MKLN1: variants seen among roughly 807,000 people sequenced by gnomAD.
MKLN1 encodes muskelin 1, also known as muskelin.
In MKLN1, 18 loss-of-function variants were observed where a neutral mutation model predicts 99.0. The ratio of observed to expected loss-of-function variants is 0.18; its 90% CI spans 0.13 to 0.27. MKLN1 has a LOEUF of 0.27. Among genes scored for constraint, MKLN1 ranks in the 10% least tolerant of loss-of-function variants. The pLI, the probability that MKLN1 is intolerant of heterozygous loss-of-function variation, is 1.00. For missense variants in MKLN1, 621 were observed against 875.9 expected, an observed-to-expected ratio of 0.71 and a Z score of 3.67; for synonymous variants, 288 against 293.2, an observed-to-expected ratio of 0.98 and a Z score of 0.18.
chr7:131,294,427 T>TC (rs34542383), intron 3 of MKLN1, among the ~76,000 whole-genome samples: 67,256 of 152,032 alleles, frequency 0.44, 16,366 homozygotes, highest in Admixed American at 0.59. Flanking sequence ...ATAGGCACAT[T>TC]CCTTGTACTA....
At chr7:131,434,476 C>G (rs1584738920) in intron 9 of MKLN1, among the ~76,000 whole-genome samples, 1 of 152,126 alleles carries the variant, frequency 6.6e-6, no homozygotes, top group Admixed American at 6.5e-5. Context: ...CTAATAGCTT[C>G]TTTTTTATTT....
intron 2 of MKLN1, among the ~76,000 whole-genome samples, chr7:131,169,542 C>T (rs1796186958): frequency 6.6e-6 from 1 of 152,158 alleles, no homozygotes; most frequent in African/African-American, 2.4e-5. Context: ...TTAATGGCCT[C>T]TTTTGAAGGA....
At chr7:131,266,958 G>T (rs899681844) in intron 3 of MKLN1, among the ~76,000 whole-genome samples, 3 of 151,876 alleles carry the variant, frequency 2.0e-5, no homozygotes, top group African/African-American at 7.3e-5. Context: ...TGAGGCAATA[G>T]AATTTTTTTT....
Position 131,290,121 on chromosome 7 carries a change from C to T in MKLN1, c.-178-85303C>T, listed in dbSNP as rs530710505. On this transcript the variant is annotated intron_variant, in intron 3 of 7. Transcript: ENST00000416992. ...AGGAGTTCAAGACCAGCCTGACCAA[C>T]ATGGTGAAACCTCATCTCTACTAAA... 2.6e-3 allele frequency among the ~76,000 whole-genome samples: 394 copies of T among 152,314 alleles called. 3 individuals are homozygous for T. The highest frequency in any genetic ancestry group is 9.0e-3 in the African/African-American group (376 of 41,562).
chr7:131,430,129 A>G (rs1316791862), intron 9 of MKLN1, among the ~76,000 whole-genome samples: 3 of 152,194 alleles, frequency 2.0e-5, no homozygotes, highest in Non-Finnish European at 2.9e-5. Context: ...ATGAGCTATA[A>G]CAAAACAGTA....
intron 12 of MKLN1, among the ~76,000 whole-genome samples, chr7:131,454,916 A>G (rs1796290232): frequency 6.6e-6 from 1 of 152,248 alleles, no homozygotes; most frequent in South Asian, 2.1e-4. Context: ...AAGTTAACCT[A>G]GCACCATGAT....
At chr7:131,371,032 C>A (rs1055569761) in intron 1 of MKLN1, among the ~76,000 whole-genome samples, 1 of 152,112 alleles carries the variant, frequency 6.6e-6, no homozygotes, top group Non-Finnish European at 1.5e-5. Context: ...ATTTTCCTTT[C>A]AATTTAGTAT....
chr7:131,342,080 A>T (rs567411028), intron 1 of MKLN1, among the ~76,000 whole-genome samples: 2 of 152,030 alleles, frequency 1.3e-5, no homozygotes, highest in Non-Finnish European at 2.9e-5. Flanking sequence ...TCTTGGGTAT[A>T]TGTCCAGCAG....
At chr7:131,409,885 A>G (rs1368695195) in intron 6 of MKLN1, among the ~76,000 whole-genome samples, 3 of 152,152 alleles carry the variant, frequency 2.0e-5, no homozygotes, top group African/African-American at 7.2e-5. Flanking sequence ...TATCATCATT[A>G]TAGAATTGAC....
At chr7:131,324,740 G>A (rs932487424), upstream of MKLN1, among the ~76,000 whole-genome samples, 3 of 152,160 alleles carry the variant, frequency 2.0e-5, no homozygotes, top group Admixed American at 6.5e-5. Flanking sequence ...AGTTTCAAGA[G>A]ACAAATACAC....
At chr7:131,351,955 C>T (rs564406472) in intron 1 of MKLN1, among the ~76,000 whole-genome samples, 1 of 152,232 alleles carries the variant, frequency 6.6e-6, no homozygotes, top group South Asian at 2.1e-4. Flanking sequence ...CTGTAATTTT[C>T]CTGGATAAAA....
intron 3 of MKLN1, among the ~76,000 whole-genome samples, chr7:131,226,428 C>G (rs1797148656): frequency 6.6e-6 from 1 of 152,234 alleles, no homozygotes; most frequent in Non-Finnish European, 1.5e-5. Context: ...GTGACAGCCT[C>G]TCTGAAACCA....
chr7:131,476,976 G>A (rs1047047827), intron 16 of MKLN1, among the ~76,000 whole-genome samples: 1 of 152,088 alleles, frequency 6.6e-6, no homozygotes, highest in African/African-American at 2.4e-5. Flanking sequence ...CAAGTCCAAC[G>A]GGGAAAAGAA....
At chr7:131,127,002 C>G (rs191308144) in intron 1 of MKLN1, among the ~76,000 whole-genome samples, 6 of 152,076 alleles carry the variant, frequency 3.9e-5, no homozygotes, top group African/African-American at 1.4e-4. Context: ...TCCGTCTCTA[C>G]TAAAAATACA....
intron 1 of MKLN1, among the ~76,000 whole-genome samples, chr7:131,337,222 C>A (rs1235551417): frequency 6.6e-6 from 1 of 152,020 alleles, no homozygotes; most frequent in Admixed American, 6.6e-5. Flanking sequence ...CCCTGTTTGG[C>A]GTTTCTGGCA....
At chr7:131,436,395 T>G (rs1487988947) in intron 9 of MKLN1, among the ~76,000 whole-genome samples, 2 of 152,192 alleles carry the variant, frequency 1.3e-5, no homozygotes, top group African/African-American at 4.8e-5. Flanking sequence ...ATACATCAAT[T>G]CTGTTATTTC....
At chr7:131,249,869 T>C (rs1797550708) in intron 3 of MKLN1, among the ~76,000 whole-genome samples, 1 of 152,102 alleles carries the variant, frequency 6.6e-6, no homozygotes, top group African/African-American at 2.4e-5. Flanking sequence ...AAGTGTCCTC[T>C]TGCCCGTCAT....
chr7:131,482,140 G>A (rs1356310728), intron 17 of MKLN1, among the ~76,000 whole-genome samples: 1 of 152,092 alleles, frequency 6.6e-6, no homozygotes, highest in African/African-American at 2.4e-5. Context: ...TTTTCAGCAG[G>A]GTATGTGACA....
chr7:131,232,144 T>TA (rs1451700816), intron 3 of MKLN1, among the ~76,000 whole-genome samples: 3 of 152,184 alleles, frequency 2.0e-5, no homozygotes, highest in African/African-American at 7.2e-5. Context: ...CTCCAGCATT[T>TA]AAAAAATATT....
Sources: gnomAD v4.1 joint callset for allele counts (sites outside exome capture counted in the v4.1 genomes callset) on GRCh38, gnomAD v4.1.1 for gene constraint, MANE v1.5 for transcripts, NCBI Gene and HGNC (gene_info 2026-07-23, HGNC 2026-07-21) for gene names.